Variants in ASTN1 observed in about 807,000 individuals in gnomAD.
ASTN1 encodes astrotactin-1.
ASTN1 carries 41 observed loss-of-function variants against 140.7 expected under a neutral mutation model. That is an observed-to-expected ratio of 0.29 (90% CI 0.23 to 0.38). The LOEUF (loss-of-function observed/expected upper bound fraction) is 0.38, where lower values mean the gene tolerates loss of function less well. Among genes scored for constraint, ASTN1 ranks in the 10% least tolerant of loss-of-function variants. The pLI is 1.00. For synonymous variants in ASTN1, 640 were observed against 652.2 expected (o/e 0.98, Z 0.29); for missense variants, 1,479 against 1,678.8 (o/e 0.88, Z 2.08).
intron 14 of ASTN1, 44 bp from the exon 15 acceptor site, chr1:176,936,414 T>G (rs755765118): frequency 6.6e-7 from 1 of 1,516,808 alleles, no homozygotes; most frequent in Admixed American, 1.7e-5. Context: ...TACTGATTCA[T>G]AAGTTCCAAA....
chr1:177,072,761 G>A (rs1452606406), intron 1 of ASTN1, among the ~76,000 whole-genome samples: 2 of 152,158 alleles, frequency 1.3e-5, no homozygotes, highest in African/African-American at 2.4e-5. Context: ...ACGTCTTTCA[G>A]AAAATAGATG....
chr1:176,958,462 TC>T lies in ASTN1; in HGVS notation c.1618del (p.Glu540ArgfsTer12). The stretch of plus-strand genomic sequence containing the variant: ...CTTGCTGAGGGGCAACCACATGCCC[TC>T]CCCAAGAGTGTAGGTGAATCTGCAG... Reference protein sequence around the residue: ...KIFRFTYTLGEGMWLPLSKSF... With the variant: ...KIFRFTYTLGXGMWLPLSKSF... On this transcript the variant is annotated frameshift_variant, in exon 10 of 23. Coordinates refer to ENST00000361833, the MANE Select transcript of ASTN1 (RefSeq NM_004319.3). LOFTEE classifies it high-confidence loss of function. 1 of 1,612,944 alleles carries T rather than the reference TC, an allele frequency of 6.2e-7. No homozygotes were observed. The highest frequency in any genetic ancestry group is 8.5e-7 in the Non-Finnish European group (1 of 1,179,548).
chr1:177,082,762 CT>C (rs1272860047), intron 1 of ASTN1, among the ~76,000 whole-genome samples: 1 of 152,174 alleles, frequency 6.6e-6, no homozygotes, highest in Non-Finnish European at 1.5e-5. Context: ...CTCTCCTTCC[CT>C]ATGCTGGAGG....
At chr1:176,911,726 AAGCT>A (rs1208621260) in intron 16 of ASTN1, among the ~76,000 whole-genome samples, 1 of 152,160 alleles carries the variant, frequency 6.6e-6, no homozygotes, top group African/African-American at 2.4e-5. Context: ...GACCTGCCTG[AAGCT>A]GTCTTACAGT....
At chr1:176,952,065 A>G (rs1372222973) in intron 11 of ASTN1, among the ~76,000 whole-genome samples, 4 of 152,176 alleles carry the variant, frequency 2.6e-5, no homozygotes, top group African/African-American at 9.7e-5. Flanking sequence ...CTACTCCGCC[A>G]TGCTGCTTCT....
At chr1:177,003,696 C>G (rs1218864111) in intron 8 of ASTN1, among the ~76,000 whole-genome samples, 1 of 151,914 alleles carries the variant, frequency 6.6e-6, no homozygotes, top group Non-Finnish European at 1.5e-5. Flanking sequence ...CCTGTACTCC[C>G]AGCTACTCGG....
At chr1:176,974,209 TCTCAA>T (rs1289618727) in intron 8 of ASTN1, among the ~76,000 whole-genome samples, 1 of 152,130 alleles carries the variant, frequency 6.6e-6, no homozygotes, top group African/African-American at 2.4e-5. Flanking sequence ...GGCTCAATTT[TCTCAA>T]CTATAAATTA....
chr1:177,073,045 A>C (rs1177887738), intron 1 of ASTN1, among the ~76,000 whole-genome samples: 3 of 152,238 alleles, frequency 2.0e-5, no homozygotes, highest in East Asian at 3.9e-4. Flanking sequence ...ATTGTAAACA[A>C]AAGTGACAGT....
chr1:176,914,779 G>A (rs1670410264), intron 16 of ASTN1, among the ~76,000 whole-genome samples: 1 of 152,144 alleles, frequency 6.6e-6, no homozygotes, highest in South Asian at 2.1e-4. Flanking sequence ...AGTCAGACTG[G>A]GGTAGCAACC....
At position 177,032,741 on chromosome 1, in the gene ASTN1, T is replaced by A. The variant is rs1340969761; in HGVS notation, c.580A>T (p.Ser194Cys). The A allele has an allele frequency of 6.2e-7, 1 of 1,613,802 alleles. No individual in the cohort carries two copies. Among genetic ancestry groups the A allele is most frequent in the Non-Finnish European group, 8.5e-7 (1 of 1,180,046 alleles). Residue 194 changes from serine to cysteine, a missense_variant, in exon 3 of 23, where the codon AGT becomes TGT. Physicochemically the swap from Ser to Cys is moderately radical, Grantham distance 112. Around this residue, in one of 3 missense-constraint regions of ASTN1, gnomAD observed 729 missense variants for 860.4 expected, o/e 0.85. Transcript: ENST00000361833. ...TGAATCTCATTGGCTGCCTCAGCAC[T>A]GGCACTCTTCTGGGGCTGCGGGACC... ...RRVPQPQKSASAEAANEIHYI... is the reference protein window; with the variant it reads ...RRVPQPQKSACAEAANEIHYI...
chr1:177,002,233 G>A (rs1196918095), intron 8 of ASTN1, among the ~76,000 whole-genome samples: 1 of 152,098 alleles, frequency 6.6e-6, no homozygotes, highest in Non-Finnish European at 1.5e-5. Flanking sequence ...CATAAAGGAA[G>A]GAAAAAGTCA....
At chr1:176,992,555 A>G (rs1186471357) in intron 8 of ASTN1, among the ~76,000 whole-genome samples, 1 of 152,220 alleles carries the variant, frequency 6.6e-6, no homozygotes, top group Non-Finnish European at 1.5e-5. Context: ...AGGATTAGAA[A>G]GCATTCTCAA....
chr1:177,064,454 A>C (rs1678250532), intron 1 of ASTN1, among the ~76,000 whole-genome samples: 1 of 152,190 alleles, frequency 6.6e-6, no homozygotes, highest in African/African-American at 2.4e-5. Flanking sequence ...TAGCAGTCCA[A>C]GGCTTTTCAT....
At chr1:176,868,638 A>G (rs942699737) in intron 22 of ASTN1, among the ~76,000 whole-genome samples, 1 of 152,210 alleles carries the variant, frequency 6.6e-6, no homozygotes, top group African/African-American at 2.4e-5. Flanking sequence ...AGAGTTCAGG[A>G]AAAGCATTCA....
At chr1:177,082,351 T>C (rs1040084984) in intron 1 of ASTN1, among the ~76,000 whole-genome samples, 1 of 152,282 alleles carries the variant, frequency 6.6e-6, no homozygotes, top group Middle Eastern at 3.4e-3. Flanking sequence ...ATGGGCTCCA[T>C]GCTTTCTTAG....
At chr1:176,918,722 T>A (rs929716631) in intron 16 of ASTN1, among the ~76,000 whole-genome samples, 4 of 152,176 alleles carry the variant, frequency 2.6e-5, no homozygotes, top group African/African-American at 9.7e-5. Flanking sequence ...TGGCTTCCCC[T>A]GAAGCCATTT....
rs185778720 is a variant in ASTN1, at chr1:177,062,775, C to T, written c.284-1510G>A. Among the ~76,000 whole-genome samples, 86 of 152,146 alleles carry T rather than the reference C, an allele frequency of 5.7e-4. 1 individual carries two copies. Among genetic ancestry groups the T allele is most frequent in the Non-Finnish European group, 9.7e-4 (66 of 68,010 alleles). On this transcript the variant is annotated intron_variant, in intron 1 of 22. Transcript: ENST00000361833. ...GGCACAACTGATGTTATTTATTTATCGATTGGTTTGTTTATTCAACAGGCA... is the reference window on the plus strand; with the variant it reads ...GGCACAACTGATGTTATTTATTTATTGATTGGTTTGTTTATTCAACAGGCA...
At chr1:177,065,393 A>G (rs1236721876) in intron 1 of ASTN1, among the ~76,000 whole-genome samples, 1 of 152,208 alleles carries the variant, frequency 6.6e-6, no homozygotes, top group East Asian at 1.9e-4. Context: ...TTTTTGGAGC[A>G]CACTATATTT....
chr1:176,942,839 T>C (rs1187531144), intron 14 of ASTN1, among the ~76,000 whole-genome samples: 2 of 65,352 alleles, frequency 3.1e-5, no homozygotes, highest in African/African-American at 5.3e-5. Context: ...TATATATGTA[T>C]ATATATATAT....
Sources: allele counts gnomAD v4.1 joint callset (sites outside exome capture counted in the v4.1 genomes callset), GRCh38; gene constraint gnomAD v4.1.1; regional missense constraint gnomAD v4.1.1; transcripts MANE v1.5; gene names NCBI Gene and HGNC (gene_info 2026-07-23, HGNC 2026-07-21).